Variants in CTNND2 observed in about 807,000 individuals in gnomAD.
CTNND2 encodes the protein catenin delta 2.
Under a neutral mutation model 144.4 loss-of-function variants are expected in CTNND2, and 22 were observed. The observed-to-expected ratio is 0.15, with a 90% CI of 0.11 to 0.22. The LOEUF is 0.22. Ranked by LOEUF, CTNND2 falls within the 10% of genes least tolerant of loss-of-function variation. The pLI is 1.00. For synonymous variants in CTNND2, 751 were observed against 695.6 expected (o/e 1.08, Z -1.25); for missense variants, 1,353 against 1,618.8 (o/e 0.84, Z 2.82).
At chr5:11,428,287 T>C (rs940357876) in intron 3 of CTNND2, among the ~76,000 whole-genome samples, 1 of 152,188 alleles carries the variant, frequency 6.6e-6, no homozygotes, top group Non-Finnish European at 1.5e-5. Context: ...CCATCAGCAA[T>C]CCCTGGTTCA....
intron 9 of CTNND2, among the ~76,000 whole-genome samples, chr5:11,255,980 T>C (rs1455081595): frequency 6.6e-6 from 1 of 152,164 alleles, no homozygotes. Flanking sequence ...CAACCCTCCA[T>C]TGCACTCCAT....
chr5:11,440,184 C>T (rs1487753156), intron 3 of CTNND2, among the ~76,000 whole-genome samples: 1 of 152,144 alleles, frequency 6.6e-6, no homozygotes, highest in Non-Finnish European at 1.5e-5. Flanking sequence ...TAACATATTC[C>T]TTTTCATCTC....
intron 3 of CTNND2, among the ~76,000 whole-genome samples, chr5:11,559,053 G>C (rs2150097633): frequency 6.6e-6 from 1 of 152,184 alleles, no homozygotes; most frequent in African/African-American, 2.4e-5. Flanking sequence ...GGGTATGGCT[G>C]GCCAAGTGAG....
intron 3 of CTNND2, among the ~76,000 whole-genome samples, chr5:11,436,196 A>G (rs1295613638): frequency 6.6e-6 from 1 of 152,062 alleles, no homozygotes; most frequent in African/African-American, 2.4e-5. Context: ...CCAGTGGGCA[A>G]CAGACGAATG....
At chr5:11,688,225 C>G (rs1028343194) in intron 2 of CTNND2, among the ~76,000 whole-genome samples, 2 of 152,130 alleles carry the variant, frequency 1.3e-5, no homozygotes, top group Non-Finnish European at 2.9e-5. Context: ...CTTCATGTCT[C>G]TGCCCCCAGA....
chr5:11,135,586 T>C (rs1257805788), intron 12 of CTNND2, among the ~76,000 whole-genome samples: 1 of 152,226 alleles, frequency 6.6e-6, no homozygotes, highest in African/African-American at 2.4e-5. Flanking sequence ...ACATACACTG[T>C]ATTATTTTAA....
chr5:11,760,114 A>T (rs1789176214), intron 1 of CTNND2, among the ~76,000 whole-genome samples: 2 of 152,074 alleles, frequency 1.3e-5, no homozygotes, highest in Non-Finnish European at 2.9e-5. Flanking sequence ...CCATAGGTAA[A>T]ATAATTAATA....
At chr5:11,840,307 T>C (rs940939658) in intron 1 of CTNND2, among the ~76,000 whole-genome samples, 1 of 152,210 alleles carries the variant, frequency 6.6e-6, no homozygotes, top group Non-Finnish European at 1.5e-5. Context: ...TAATGTTTCT[T>C]TGTCAAACAT....
At chr5:11,705,246 T>C (rs1453418445) in intron 2 of CTNND2, among the ~76,000 whole-genome samples, 1 of 152,164 alleles carries the variant, frequency 6.6e-6, no homozygotes, top group Non-Finnish European at 1.5e-5. Flanking sequence ...CAAAGGATGC[T>C]ACACATTGTG....
chr5:11,861,094 G>A (rs918279172), intron 1 of CTNND2, among the ~76,000 whole-genome samples: 2 of 152,092 alleles, frequency 1.3e-5, no homozygotes, highest in Non-Finnish European at 2.9e-5. Context: ...CCACATACAT[G>A]TTCTGACATA....
At chr5:11,558,341 C>CGTGTGTGTGTGT (rs59741742) in intron 3 of CTNND2, among the ~76,000 whole-genome samples, 74 of 132,226 alleles carry the variant, frequency 5.6e-4, no homozygotes, top group South Asian at 2.4e-3. Flanking sequence ...GTGAGAAACA[C>CGTGTGTGTGTGT]GTGTGTGTGT....
At chr5:11,514,597 C>T (rs1771993047) in intron 3 of CTNND2, among the ~76,000 whole-genome samples, 3 of 152,126 alleles carry the variant, frequency 2.0e-5, no homozygotes, top group South Asian at 4.1e-4. Flanking sequence ...AAAATTTCTT[C>T]GTCTTTAAAT....
chr5:11,167,736 C>T (rs1468888767), intron 11 of CTNND2, among the ~76,000 whole-genome samples: 1 of 150,778 alleles, frequency 6.6e-6, no homozygotes, highest in Non-Finnish European at 1.5e-5. Context: ...CACTCTGTTG[C>T]CCAGGTTAGA....
intron 1 of CTNND2, among the ~76,000 whole-genome samples, chr5:11,804,039 C>G (rs1017130581): frequency 2.6e-5 from 4 of 152,160 alleles, no homozygotes; most frequent in African/African-American, 9.7e-5. Context: ...TCTATAAAGT[C>G]TTCACATTTT....
At chr5:11,232,366 A>T (rs1741126238) in intron 10 of CTNND2, among the ~76,000 whole-genome samples, 1 of 152,222 alleles carries the variant, frequency 6.6e-6, no homozygotes, top group African/African-American at 2.4e-5. Flanking sequence ...AGCAGCTGGG[A>T]GTGGGGCTGT....
At chr5:11,117,008 T>G in intron 13 of CTNND2, among the ~76,000 whole-genome samples, 1 of 151,904 alleles carries the variant, frequency 6.6e-6, no homozygotes, top group East Asian at 1.9e-4. Context: ...GCAGTGAGCC[T>G]TCATTGCACC....
At chr5:10,985,392 G>A (rs1329366694) in intron 20 of CTNND2, among the ~76,000 whole-genome samples, 1 of 152,212 alleles carries the variant, frequency 6.6e-6, no homozygotes, top group Non-Finnish European at 1.5e-5. Flanking sequence ...ACACTTAGGA[G>A]AGAAGAATTT....
In CTNND2 at chr5:11,545,331, A is replaced by C. The variant is rs539939237; in HGVS notation, c.287+19613T>G. ...TGAGACTCTATCTCAATCAATCAAT[A>C]AATCAATCAATAGAATGACCTGAAC... is the stretch of plus-strand genomic sequence containing the variant. On this transcript the variant is annotated intron_variant, in intron 3 of 21. Coordinates refer to ENST00000304623, the MANE Select transcript of CTNND2 (RefSeq NM_001332.4). 1.1e-4 allele frequency among the ~76,000 whole-genome samples: 17 copies of C among 151,674 alleles called. No homozygotes were observed. In the East Asian group the frequency reaches 2.7e-3, roughly 25 times the overall value.
intron 9 of CTNND2, among the ~76,000 whole-genome samples, chr5:11,289,090 C>A (rs1312044): frequency 0.47 from 71,133 of 151,858 alleles, 16,837 homozygotes; most frequent in African/African-American, 0.52. Context: ...TGCCATCCCC[C>A]CCGCCTGTGC....
Sources: allele counts gnomAD v4.1 joint callset (sites outside exome capture counted in the v4.1 genomes callset), GRCh38; gene constraint gnomAD v4.1.1; transcripts MANE v1.5; gene names NCBI Gene and HGNC (gene_info 2026-07-23, HGNC 2026-07-21).